The following DOCK2 variants were observed in gnomAD, a reference collection of about 807,000 sequenced individuals.
DOCK2 encodes dedicator of cytokinesis protein 2.
Under a neutral mutation model 248.9 loss-of-function variants are expected in DOCK2, and 87 were observed. That is an observed-to-expected ratio of 0.35 (90% CI 0.29 to 0.42). The LOEUF (loss-of-function observed/expected upper bound fraction) is 0.42, where lower values mean the gene tolerates loss of function less well. Among genes scored for constraint, DOCK2 ranks in the 10% least tolerant of loss-of-function variants. The probability of loss-of-function intolerance (pLI) is 1.00; values close to 1 mark genes in which losing one functional copy is unlikely to be tolerated. For synonymous variants in DOCK2, 805 were observed against 821.6 expected (o/e 0.98, Z 0.35); for missense variants, 1,747 against 2,300.2 (o/e 0.76, Z 4.92).
chr5:169,752,934 G>T (rs1387092394), intron 23 of DOCK2, among the ~76,000 whole-genome samples: 1 of 152,016 alleles, frequency 6.6e-6, no homozygotes, highest in African/African-American at 2.4e-5. Flanking sequence ...GCGTGGTGGC[G>T]GGTGCCTGTA....
chr5:169,971,131 G>A (rs1411067300), intron 27 of DOCK2, among the ~76,000 whole-genome samples: 1 of 151,672 alleles, frequency 6.6e-6, no homozygotes, highest in African/African-American at 2.4e-5. Context: ...CCAGAGGACA[G>A]GGAAGTGGGA....
chr5:169,719,858 T>TAG (rs35601892), intron 22 of DOCK2, among the ~76,000 whole-genome samples: 6,451 of 151,994 alleles, frequency 0.042, 188 homozygotes, highest in African/African-American at 0.078. Context: ...CTTGTTATTT[T>TAG]AGAGATGAGT....
chr5:169,879,076 T>C (rs1054356470), intron 27 of DOCK2, among the ~76,000 whole-genome samples: 1 of 152,140 alleles, frequency 6.6e-6, no homozygotes, highest in South Asian at 2.1e-4. Context: ...GCAAGCAGCA[T>C]AGCCATAGCC....
intron 30 of DOCK2, among the ~76,000 whole-genome samples, chr5:169,997,030 T>C (rs1754662887): frequency 6.6e-6 from 1 of 152,022 alleles, no homozygotes; most frequent in Non-Finnish European, 1.5e-5. Context: ...CGCCAGCCTC[T>C]GAGTTCCCTT....
At chr5:169,811,023 A>C (rs1446326416) in intron 26 of DOCK2, among the ~76,000 whole-genome samples, 1 of 150,022 alleles carries the variant, frequency 6.7e-6, no homozygotes, top group Non-Finnish European at 1.5e-5. Flanking sequence ...ACACACACAC[A>C]CTCATGCCTC....
At chr5:169,932,685 T>C (rs1267814581) in intron 27 of DOCK2, among the ~76,000 whole-genome samples, 1 of 152,186 alleles carries the variant, frequency 6.6e-6, no homozygotes, top group East Asian at 1.9e-4. Context: ...CAAGGCTCTT[T>C]CCCTGTTCCC....
chr5:169,689,372 C>G (rs754874240), intron 9 of DOCK2, 39 bp downstream of exon 9: 7 of 1,607,930 alleles, frequency 4.4e-6, no homozygotes, highest in Non-Finnish European at 6.0e-6. Context: ...TGCTCCCCAA[C>G]CACAAAAATG....
At chr5:170,004,640 C>G (rs1488899874) in intron 30 of DOCK2, among the ~76,000 whole-genome samples, 4 of 148,512 alleles carry the variant, frequency 2.7e-5, no homozygotes, top group African/African-American at 1.0e-4. Context: ...TGGCATTATT[C>G]ACAATAGCAA....
At chr5:169,840,111 G>A (rs1305561052) in intron 26 of DOCK2, among the ~76,000 whole-genome samples, 2 of 152,222 alleles carry the variant, frequency 1.3e-5, no homozygotes, top group Non-Finnish European at 2.9e-5. Flanking sequence ...TGTACAGGAA[G>A]TGTGATGCTG....
At chr5:170,079,999 G>T in intron 49 of DOCK2, 164 bp from the exon 50 acceptor site, 8 of 1,174,792 alleles carry the variant, frequency 6.8e-6, no homozygotes, top group East Asian at 2.5e-5. Flanking sequence ...AACCATATGT[G>T]GCAGGCTGGC....
chr5:169,791,632 C>T (rs564149390), intron 25 of DOCK2, among the ~76,000 whole-genome samples: 1 of 152,264 alleles, frequency 6.6e-6, no homozygotes, highest in Admixed American at 6.5e-5. Flanking sequence ...ACTCATGAGC[C>T]GGAGTGAGTG....
At chr5:170,042,336 G>A (rs1207609948) in intron 38 of DOCK2, among the ~76,000 whole-genome samples, 1 of 152,156 alleles carries the variant, frequency 6.6e-6, no homozygotes, top group Non-Finnish European at 1.5e-5. Context: ...ACACTGCGAT[G>A]GATCCTAAAC....
chr5:170,040,480 A>T (rs774282744), intron 36 of DOCK2, among the ~76,000 whole-genome samples: 1 of 152,134 alleles, frequency 6.6e-6, no homozygotes, highest in African/African-American at 2.4e-5. Flanking sequence ...GCCCCGATCC[A>T]CTTCCTTTTA....
At chr5:169,881,264 GTTTTTGCCTCTCTTGAC>G (rs2113500465) in intron 27 of DOCK2, 1 of 905,792 alleles carries the variant, frequency 1.1e-6, no homozygotes, top group South Asian at 1.5e-5. Flanking sequence ...TAAATACCTT[GTTTTTGCCTCTCTTGAC>G]TTTTTGCATT....
intron 26 of DOCK2, among the ~76,000 whole-genome samples, chr5:169,818,308 C>T (rs991816414): frequency 2.0e-5 from 3 of 152,212 alleles, no homozygotes; most frequent in African/African-American, 2.4e-5. Context: ...AAGGCCGTAT[C>T]GGTCTTGTTC....
At position 169,706,067 on chromosome 5, in the gene DOCK2, C is replaced by T. The variant is rs114642208; in HGVS notation, c.1384-2102C>T. ...CCCTGGTCACAATGCTCTCTCAGTGCACTTCCCAACACTGTTATTTCTCTG... is the reference window on the plus strand; with the variant it reads ...CCCTGGTCACAATGCTCTCTCAGTGTACTTCCCAACACTGTTATTTCTCTG... On this transcript the variant is annotated intron_variant, in intron 14 of 51. Coordinates refer to ENST00000520908, the MANE Select transcript of DOCK2 (RefSeq NM_004946.3). 3.1e-3 allele frequency among the ~76,000 whole-genome samples: 465 copies of T among 152,334 alleles called. 3 individuals carry two copies. Among genetic ancestry groups the T allele is most frequent in the African/African-American group, 0.011 (439 of 41,570 alleles).
Position 169,895,694 on chromosome 5 carries a change from TATC to T in DOCK2, c.2799+54845_2799+54847del, listed in dbSNP as rs1305533241. On this transcript the variant is annotated intron_variant, in intron 27 of 51. Transcript: ENST00000520908. ...ATTCCATCTCCTGGAATGAAATACT[TATC>T]ATGACTTGGCAAAGCCTTTCTCTTA... is the stretch of plus-strand genomic sequence containing the variant. Among the ~76,000 whole-genome samples the T allele has an allele frequency of 9.2e-4, 140 of 152,084 alleles. 1 individual carries two copies. The highest frequency in any genetic ancestry group is 7.4e-5 in the Non-Finnish European group (5 of 67,990).
At chr5:169,765,439 C>A (rs1193831649) in intron 25 of DOCK2, among the ~76,000 whole-genome samples, 1 of 152,188 alleles carries the variant, frequency 6.6e-6, no homozygotes, top group Non-Finnish European at 1.5e-5. Flanking sequence ...AAGCTCAGAC[C>A]TGCCTGGTGG....
At chr5:169,940,548 C>T (rs1162255636) in intron 27 of DOCK2, among the ~76,000 whole-genome samples, 2 of 151,980 alleles carry the variant, frequency 1.3e-5, no homozygotes, top group East Asian at 3.8e-4. Flanking sequence ...CAATGGGAAC[C>T]CTGAGCTTGT....
Sources: allele counts gnomAD v4.1 joint callset (sites outside exome capture counted in the v4.1 genomes callset), GRCh38; gene constraint gnomAD v4.1.1; transcripts MANE v1.5; gene names NCBI Gene and HGNC (gene_info 2026-07-23, HGNC 2026-07-21).